IFT43: variants seen among roughly 807,000 people sequenced by gnomAD.
The protein encoded by IFT43 is intraflagellar transport protein 43 homolog.
In IFT43, 33 loss-of-function variants were observed where a neutral mutation model predicts 32.3. The observed-to-expected ratio is 1.02, with a 90% confidence interval of 0.77 to 1.37. IFT43 has a LOEUF of 1.37. IFT43 is among the 40% of genes most tolerant of loss of function. The pLI, the probability that IFT43 is intolerant of heterozygous loss-of-function variation, is 0.00. For missense variants in IFT43, 274 were observed against 265.9 expected (o/e 1.03, Z -0.21); for synonymous variants, 93 against 98.2 (o/e 0.95, Z 0.31).
At chr14:75,995,494 A>G (rs937354781) in intron 2 of IFT43, among the ~76,000 whole-genome samples, 1 of 152,106 alleles carries the variant, frequency 6.6e-6, no homozygotes, top group African/African-American at 2.4e-5. Context: ...ATTCCCTCGC[A>G]GGAATCTGAG....
chr14:76,055,641 C>G (rs555803440), intron 3 of IFT43, among the ~76,000 whole-genome samples: 1 of 152,146 alleles, frequency 6.6e-6, no homozygotes, highest in Non-Finnish European at 1.5e-5. Context: ...ACTGCACTAG[C>G]CTGAGGTGCC....
chr14:76,030,472 G>A (rs75148175), intron 3 of IFT43, among the ~76,000 whole-genome samples: 3,007 of 152,104 alleles, frequency 0.02, 105 homozygotes, highest in African/African-American at 0.068. Context: ...TAGAATTCAC[G>A]GTCTATATAC....
intron 1 of IFT43, chr14:75,986,403 C>G: frequency 1.7e-6 from 1 of 575,922 alleles, no homozygotes; most frequent in Non-Finnish European, 2.4e-6. Flanking sequence ...ATTAGGTGCT[C>G]AGGCACTGAG....
In IFT43 at chr14:76,071,788, A is replaced by G. The variant is rs779627688; in HGVS notation, c.296-10507A>G. 5.3e-5 allele frequency among the ~76,000 whole-genome samples: 8 copies of G among 152,286 alleles called. No individual in the cohort carries two copies. The East Asian group carries it at 1.2e-3, about 22-fold the overall frequency. On this transcript the variant is annotated intron_variant, in intron 5 of 8. Transcript: ENST00000314067. Reference sequence around the variant, plus strand: ...TCTTTAATCATGTTTCTGTTTGACAACCTGCAGGCAGAATTCCTAAGAATT... The same window carrying G: ...TCTTTAATCATGTTTCTGTTTGACAGCCTGCAGGCAGAATTCCTAAGAATT...
intron 5 of IFT43, chr14:76,076,741 A>G: frequency 6.2e-7 from 1 of 1,607,402 alleles, no homozygotes; most frequent in Non-Finnish European, 8.5e-7. Context: ...TCCTTCTGGG[A>G]CTTTGCTAGG....
intron 2 of IFT43, among the ~76,000 whole-genome samples, chr14:76,000,776 G>A (rs762288251): frequency 7.9e-5 from 12 of 152,184 alleles, no homozygotes; most frequent in Admixed American, 5.2e-4. Flanking sequence ...GAGAAGGAGA[G>A]TCTGGAGTTG....
At chr14:76,057,790 C>CA (rs1566728893) in intron 3 of IFT43, among the ~76,000 whole-genome samples, 2 of 152,080 alleles carry the variant, frequency 1.3e-5, no homozygotes, top group Non-Finnish European at 2.9e-5. Context: ...AACAAACAAA[C>CA]AAAAAACCCT....
intron 2 of IFT43, among the ~76,000 whole-genome samples, chr14:76,007,321 A>T (rs1654240110): frequency 6.6e-6 from 1 of 152,186 alleles, no homozygotes; most frequent in South Asian, 2.1e-4. Context: ...TGGTCTCACC[A>T]CTGCGTGATA....
At chr14:76,040,808 C>T (rs535342031) in intron 3 of IFT43, among the ~76,000 whole-genome samples, 1 of 152,238 alleles carries the variant, frequency 6.6e-6, no homozygotes, top group African/African-American at 2.4e-5. Context: ...CCAGTCAGTT[C>T]TCTCCCTGGA....
intron 1 of IFT43, chr14:75,986,050 C>G (rs2035518011): frequency 1.3e-6 from 2 of 1,516,856 alleles, no homozygotes; most frequent in Non-Finnish European, 1.8e-6. Context: ...TTAAAATCCT[C>G]AGAAAGTAGA....
chr14:76,023,822 C>G (rs2036339967), intron 3 of IFT43, among the ~76,000 whole-genome samples: 1 of 152,222 alleles, frequency 6.6e-6, no homozygotes. Flanking sequence ...TAATTGTGAA[C>G]TACATTAAAG....
At chr14:76,024,347 A>C (rs977539418) in intron 3 of IFT43, among the ~76,000 whole-genome samples, 11 of 152,292 alleles carry the variant, frequency 7.2e-5, no homozygotes, top group African/African-American at 2.6e-4. Flanking sequence ...TTTCATGCTA[A>C]GGTGTGGTAA....
intron 2 of IFT43, among the ~76,000 whole-genome samples, chr14:75,989,546 C>T (rs1056559171): frequency 2.5e-4 from 38 of 152,114 alleles, no homozygotes; most frequent in Non-Finnish European, 5.0e-4. Context: ...CCCCTTTTTA[C>T]CTTCCTCTGT....
intron 3 of IFT43, among the ~76,000 whole-genome samples, chr14:76,024,674 A>G (rs574821983): frequency 6.6e-6 from 1 of 152,372 alleles, no homozygotes; most frequent in African/African-American, 2.4e-5. Context: ...TTATGGTTCT[A>G]AAACAAAGTG....
chr14:76,012,921 C>A (rs2036113664), intron 2 of IFT43, among the ~76,000 whole-genome samples: 1 of 152,110 alleles, frequency 6.6e-6, no homozygotes, highest in Non-Finnish European at 1.5e-5. Flanking sequence ...TAGGATCAGG[C>A]CTCCTCTTCT....
intron 2 of IFT43, among the ~76,000 whole-genome samples, chr14:76,004,692 G>A (rs1566702750): frequency 6.6e-6 from 1 of 152,038 alleles, no homozygotes; most frequent in East Asian, 1.9e-4. Flanking sequence ...TGTTCCATAA[G>A]TTTGTTCTAT....
intron 2 of IFT43, among the ~76,000 whole-genome samples, chr14:75,998,392 G>C: frequency 6.6e-6 from 1 of 152,176 alleles, no homozygotes; most frequent in East Asian, 1.9e-4. Flanking sequence ...GCATTGAGGT[G>C]CTAAATGGAA....
chr14:76,069,842 TCTCAGGCACCTGGGCATGC>T (rs1264512882), intron 5 of IFT43, among the ~76,000 whole-genome samples: 2 of 152,192 alleles, frequency 1.3e-5, no homozygotes, highest in African/African-American at 2.4e-5. Context: ...AGCTGCCAGC[TCTCAGGCACCTGGGCATGC>T]CTCACCCCCA....
chr14:76,064,679 G>T (rs1298630498), intron 5 of IFT43, among the ~76,000 whole-genome samples: 1 of 152,176 alleles, frequency 6.6e-6, no homozygotes, highest in South Asian at 2.1e-4. Context: ...TCAGTCCCCA[G>T]TTGCTCATGT....
Sources: gnomAD v4.1 joint callset for allele counts (sites outside exome capture counted in the v4.1 genomes callset) on GRCh38, gnomAD v4.1.1 for gene constraint, MANE v1.5 for transcripts, NCBI Gene and HGNC (gene_info 2026-07-23, HGNC 2026-07-21) for gene names.